Variants in SIK3 observed in about 807,000 individuals in gnomAD.
SIK3 encodes the protein serine/threonine-protein kinase SIK3.
SIK3 carries 28 observed loss-of-function variants against 144.2 expected under a neutral mutation model. The ratio of observed to expected loss-of-function variants is 0.19; its 90% confidence interval spans 0.14 to 0.27. The LOEUF is 0.27. Among genes scored for constraint, SIK3 ranks in the 10% least tolerant of loss-of-function variants. SIK3 has a pLI of 1.00. For synonymous variants in SIK3, 686 were observed against 676.3 expected, an observed-to-expected ratio of 1.01 and a Z score of -0.22; for missense variants, 1,319 against 1,776.0, an observed-to-expected ratio of 0.74 and a Z score of 4.62.
chr11:116,972,698 T>G (rs1412041417), intron 1 of SIK3, among the ~76,000 whole-genome samples: 1 of 152,060 alleles, frequency 6.6e-6, no homozygotes, highest in Non-Finnish European at 1.5e-5. Flanking sequence ...TATATACACC[T>G]ACTATGTACC....
intron 1 of SIK3, among the ~76,000 whole-genome samples, chr11:117,051,138 G>A (rs1257888635): frequency 6.6e-6 from 1 of 152,166 alleles, no homozygotes; most frequent in Non-Finnish European, 1.5e-5. Context: ...GGCAGAGGAA[G>A]AGCAAATTCA....
intron 1 of SIK3, among the ~76,000 whole-genome samples, chr11:117,087,751 C>T (rs1291370484): frequency 1.3e-5 from 2 of 152,124 alleles, no homozygotes; most frequent in South Asian, 4.1e-4. Flanking sequence ...TATTAGGTGC[C>T]GTACAAGCAT....
chr11:116,990,013 CAG>C (rs1950448333), intron 1 of SIK3, among the ~76,000 whole-genome samples: 1 of 152,128 alleles, frequency 6.6e-6, no homozygotes, highest in Admixed American at 6.5e-5. Context: ...AGTCTGAAAA[CAG>C]TGGCAAAAGA....
intron 21 of SIK3, among the ~76,000 whole-genome samples, chr11:116,855,104 A>C (rs1253281739): frequency 4.1e-5 from 5 of 122,364 alleles, no homozygotes; most frequent in African/African-American, 1.3e-4. Flanking sequence ...AAAAAAAAAA[A>C]AAAAACTTGA....
rs571905418 is a variant in SIK3, at chr11:117,077,747, A to G, written c.273+20396T>C. Among the ~76,000 whole-genome samples, 4 of 152,334 alleles carry G rather than the reference A, an allele frequency of 2.6e-5. No individual in the cohort carries two copies. In the East Asian group the frequency reaches 7.7e-4, roughly 29 times the overall value. ...TTGTAATACAACTAAAAGAAAAACA[A>G]GCTCATTTTCTACCCAGAGAAAATG... On this transcript the variant is annotated intron_variant, in intron 1 of 24. Transcript: ENST00000445177.
intron 1 of SIK3, among the ~76,000 whole-genome samples, chr11:117,094,546 T>C (rs1955385847): frequency 6.6e-6 from 1 of 152,120 alleles, no homozygotes; most frequent in African/African-American, 2.4e-5. Flanking sequence ...AGTTGGAGGT[T>C]ACAGTGAACT....
intron 6 of SIK3, among the ~76,000 whole-genome samples, chr11:116,883,872 T>C (rs1472931086): frequency 1.3e-5 from 2 of 152,004 alleles, no homozygotes; most frequent in African/African-American, 2.4e-5. Context: ...AGGCAGAGGT[T>C]GCAGTGAGCC....
chr11:116,949,216 T>C (rs567418690), intron 3 of SIK3, among the ~76,000 whole-genome samples: 1 of 152,316 alleles, frequency 6.6e-6, no homozygotes, highest in Admixed American at 6.5e-5. Context: ...AGCTAAAAGC[T>C]AGATTCTTCT....
At chr11:116,870,145 A>G in intron 14 of SIK3, 186 bp downstream of exon 14, 1 of 1,531,876 alleles carries the variant, frequency 6.5e-7, no homozygotes, top group Non-Finnish European at 8.7e-7. Context: ...GCTTACAGAA[A>G]TGACATTTTC....
chr11:116,850,043 T>C (rs1425973514), intron 21 of SIK3, among the ~76,000 whole-genome samples: 2 of 152,190 alleles, frequency 1.3e-5, no homozygotes, highest in African/African-American at 4.8e-5. Flanking sequence ...GATGCCTCAT[T>C]TTCCAAATCT....
intron 15 of SIK3, 146 bp from the exon 16 acceptor site, chr11:116,863,964 C>T: frequency 1.3e-6 from 1 of 777,900 alleles, no homozygotes. Context: ...CATTTCCAGA[C>T]ATCAGTCGTT....
chr11:117,079,928 G>T (rs955425922), intron 1 of SIK3, among the ~76,000 whole-genome samples: 6 of 152,080 alleles, frequency 3.9e-5, no homozygotes, highest in African/African-American at 1.4e-4. Flanking sequence ...CAGCATTTTG[G>T]GAGGCTGAGA....
intron 1 of SIK3, among the ~76,000 whole-genome samples, chr11:117,053,777 G>A (rs1318932381): frequency 1.3e-5 from 2 of 151,818 alleles, no homozygotes; most frequent in Admixed American, 6.6e-5. Context: ...ATCCAGAGTA[G>A]CTGAAACCAC....
At chr11:116,998,223 C>A (rs1950735158) in intron 1 of SIK3, among the ~76,000 whole-genome samples, 1 of 150,388 alleles carries the variant, frequency 6.6e-6, no homozygotes, top group African/African-American at 2.4e-5. Context: ...AAAATACTGA[C>A]AACTTTGGGA....
At chr11:117,093,729 T>A (rs1433639208) in intron 1 of SIK3, among the ~76,000 whole-genome samples, 1 of 151,976 alleles carries the variant, frequency 6.6e-6, no homozygotes, top group Non-Finnish European at 1.5e-5. Flanking sequence ...GCTGATTTCA[T>A]GAGATTAGCC....
At chr11:116,875,575 G>A (rs952492220) in intron 9 of SIK3, 124 bp from the exon 10 acceptor site, 4 of 1,091,362 alleles carry the variant, frequency 3.7e-6, no homozygotes, top group East Asian at 5.1e-5. Context: ...TTGGTTCATC[G>A]GCCCTTAGAA....
At chr11:116,936,176 CTCTT>C (rs761184725) in intron 3 of SIK3, among the ~76,000 whole-genome samples, 2 of 152,138 alleles carry the variant, frequency 1.3e-5, no homozygotes, top group Non-Finnish European at 2.9e-5. Context: ...AACTAGCGTT[CTCTT>C]TGTTTGTTTG....
At chr11:117,052,925 C>T (rs1420902816) in intron 1 of SIK3, among the ~76,000 whole-genome samples, 1 of 152,200 alleles carries the variant, frequency 6.6e-6, no homozygotes, top group African/African-American at 2.4e-5. Flanking sequence ...TTCTGGGCTA[C>T]ACAAACAGCA....
chr11:117,084,577 T>C (rs747157931), intron 1 of SIK3, among the ~76,000 whole-genome samples: 10 of 152,158 alleles, frequency 6.6e-5, no homozygotes, highest in Non-Finnish European at 1.0e-4. Context: ...AGCCTCCCGT[T>C]ATTAAGTTAT....
Sources: gnomAD v4.1 joint callset for allele counts (sites outside exome capture counted in the v4.1 genomes callset) on GRCh38, gnomAD v4.1.1 for gene constraint, MANE v1.5 for transcripts, NCBI Gene and HGNC (gene_info 2026-07-23, HGNC 2026-07-21) for gene names.